The following VWF variants were observed in gnomAD, a reference collection of about 807,000 sequenced individuals.
VWF encodes the protein Factor VIII related antigen.
Under a neutral mutation model 308.6 loss-of-function variants are expected in VWF, and 176 were observed. The ratio of observed to expected loss-of-function variants is 0.57; its 90% confidence interval spans 0.50 to 0.65. The LOEUF is 0.65. VWF is among the 30% of genes least tolerant of loss of function. VWF has a pLI of 0.00. For synonymous variants in VWF, 1,385 were observed against 1,443.4 expected, an observed-to-expected ratio of 0.96 and a Z score of 0.92; for missense variants, 3,146 against 3,648.2, an observed-to-expected ratio of 0.86 and a Z score of 3.55.
At position 6,064,236 on chromosome 12, in the gene VWF, C is replaced by A. The variant is rs767645999; in HGVS notation, c.1432+10G>T. On this transcript the variant is annotated intron_variant, in intron 12 of 51. Coordinates refer to ENST00000261405, the MANE Select transcript of VWF (RefSeq NM_000552.5). The stretch of plus-strand genomic sequence containing the variant: ...CAGCCCCAGGCCTGATGGAGCAGGA[C>A]GAAGCATACCTTTCAGGAGGGGGAG... The A allele has an allele frequency of 6.2e-7, 1 of 1,613,976 alleles. No individual in the cohort carries two copies. Among genetic ancestry groups the A allele is most frequent in the Non-Finnish European group, 8.5e-7 (1 of 1,180,036 alleles).
intron 5 of VWF, among the ~76,000 whole-genome samples, chr12:6,108,334 TACAC>T (rs34140032): frequency 1.9e-3 from 239 of 124,194 alleles, no homozygotes; most frequent in Middle Eastern, 4.4e-3. Flanking sequence ...AAGAAATATA[TACAC>T]ACACACACAC....
Position 5,964,238 on chromosome 12 carries a change from A to ACATACATACATACATACATG in VWF, c.7887+3247_7887+3248insCATGTATGTATGTATGTATG, listed in dbSNP as rs1555189786. On this transcript the variant is annotated intron_variant, in intron 47 of 51. Coordinates refer to ENST00000261405, the MANE Select transcript of VWF (RefSeq NM_000552.5). Reference sequence around the variant, plus strand: ...TCTAAAAATACATACATACATACATACATACATACATGCATACATACATAC... The same window carrying ACATACATACATACATACATG: ...TCTAAAAATACATACATACATACATACATACATACATACATACATGCATACATACATGCATACATACATAC... 2.2e-3 allele frequency among the ~76,000 whole-genome samples: 306 copies of ACATACATACATACATACATG among 138,716 alleles called. 2 individuals carry two copies. The highest frequency in any genetic ancestry group is 9.3e-3 in the African/African-American group (288 of 30,996). The allele number at this position is 138,716 out of a possible 152,430, so 91.0% of individuals were successfully genotyped here.
intron 31 of VWF, among the ~76,000 whole-genome samples, 187 bp downstream of exon 31, chr12:6,015,902 A>G (rs1191161734): frequency 6.6e-6 from 1 of 152,196 alleles, no homozygotes; most frequent in Non-Finnish European, 1.5e-5. Flanking sequence ...CACACTTTTT[A>G]TTGTTTGGTT....
Position 6,088,157 on chromosome 12 carries a change from G to A in VWF, c.657+7303C>T, listed in dbSNP as rs187480828. 3.2e-3 allele frequency among the ~76,000 whole-genome samples: 488 copies of A among 152,258 alleles called. 5 individuals carry two copies. The highest frequency in any genetic ancestry group is 0.01 in the African/African-American group (436 of 41,542). ...ATTATGTTTATCTTGGCCGTTTCCC[G>A]GCAGGTGGTGGTGAAGTTTCTTGAG... is the stretch of plus-strand genomic sequence containing the variant. On this transcript the variant is annotated intron_variant, in intron 6 of 51. Coordinates refer to ENST00000261405, the MANE Select transcript of VWF (RefSeq NM_000552.5).
intron 5 of VWF, among the ~76,000 whole-genome samples, chr12:6,103,694 A>G (rs955178829): frequency 2.0e-5 from 3 of 151,988 alleles, no homozygotes; most frequent in South Asian, 4.1e-4. Context: ...TGTTGCTGGG[A>G]AAACTGGATT....
At position 6,023,495 on chromosome 12, in the gene VWF, C is replaced by T. The variant is rs76458368; in HGVS notation, c.3379+136G>A. ...GCCAATGTCTTAACCCTCCTTAGCC[C>T]TTGGCCATCCAGTCCCTACTAACAC... On this transcript the variant is annotated intron_variant, in intron 25 of 51. Coordinates refer to ENST00000261405, the MANE Select transcript of VWF (RefSeq NM_000552.5). 31 of 1,307,996 alleles carry T rather than the reference C, an allele frequency of 2.4e-5. 1 individual carries two copies. The Admixed American group carries it at 6.0e-4, about 25-fold the overall frequency. 81.0% of individuals were successfully genotyped at this position (1,307,996 alleles called of 1,614,324 possible).
rs1944094108 is a variant in VWF at position 6,018,852 on chromosome 12, C to T, written c.4566G>A (p.Glu1522=). 1.9e-6 allele frequency: 3 copies of T among 1,613,844 alleles called. No homozygotes were observed. The highest frequency in any genetic ancestry group is 4.5e-5 in the East Asian group (2 of 44,888). ...CCACATCCATCCGCTGAATCACCTCCTCCATGAACTCCTTGCTCCTGTTGA... is the reference window on the plus strand; with the variant it reads ...CCACATCCATCCGCTGAATCACCTCTTCCATGAACTCCTTGCTCCTGTTGA... ...ADFNRSKEFM[E]EVIQRMDVGQ... is the part of the protein sequence containing the mutation. The change falls in exon 28 of 52, where the codon GAG becomes GAA. Residue 1522 remains glutamate (E), a synonymous_variant. Transcript: ENST00000261405.
At chr12:5,976,608 T>C (rs757075648) in intron 42 of VWF, among the ~76,000 whole-genome samples, 1 of 152,024 alleles carries the variant, frequency 6.6e-6, no homozygotes, top group Non-Finnish European at 1.5e-5. Context: ...TGTACCCACA[T>C]GCCCAGACCC....
chr12:5,949,664 G>A, intron 51 of VWF, 122 bp downstream of exon 51: 1 of 1,089,084 alleles, frequency 9.2e-7, no homozygotes, highest in Non-Finnish European at 1.4e-6. Flanking sequence ...AATGCTTCCA[G>A]TTTATTTCCC....
intron 44 of VWF, among the ~76,000 whole-genome samples, chr12:5,970,626 G>C (rs992652831): frequency 6.6e-6 from 1 of 152,226 alleles, no homozygotes; most frequent in Non-Finnish European, 1.5e-5. Flanking sequence ...TCGGACTAGA[G>C]GGGGAGGTGG....
intron 47 of VWF, among the ~76,000 whole-genome samples, chr12:5,960,661 C>T (rs1008813590): frequency 9.2e-5 from 14 of 152,162 alleles, no homozygotes; most frequent in Admixed American, 6.5e-4. Context: ...ATTCATCAAA[C>T]GAATGAAAGG....
chr12:6,038,552 T>C (rs561988614), intron 18 of VWF, among the ~76,000 whole-genome samples: 1 of 152,290 alleles, frequency 6.6e-6, no homozygotes, highest in Admixed American at 6.5e-5. Context: ...CAGGTGTGGG[T>C]CTATGGAAGC....
intron 6 of VWF, among the ~76,000 whole-genome samples, chr12:6,091,550 G>C (rs1945035105): frequency 6.6e-6 from 1 of 152,074 alleles, no homozygotes; most frequent in South Asian, 2.1e-4. Flanking sequence ...TTTTGGTTTT[G>C]GTTTTGTTTT....
rs1021756719 is a variant in VWF, at chr12:5,991,947, C to T, written c.6670G>A (p.Val2224Met). The T allele has an allele frequency of 1.2e-5, 19 of 1,614,080 alleles. No individual in the cohort carries two copies. Among genetic ancestry groups the T allele is most frequent in the East Asian group, 2.2e-5 (1 of 44,894 alleles). The change falls in exon 38 of 52, where the codon GTG (valine) becomes ATG (methionine). Residue 2224 changes from valine to methionine, a missense_variant. Transcript: ENST00000261405. The stretch of plus-strand genomic sequence containing the variant: ...GAGGGATGGTCCCCACAGGAGCTCA[C>T]GTTGCCATCACAGTGCCGGGGACAG... Reference protein sequence around the residue: ...HGCPRHCDGNVSSCGDHPSEG... With the variant: ...HGCPRHCDGNMSSCGDHPSEG...
intron 37 of VWF, among the ~76,000 whole-genome samples, chr12:5,992,806 T>C (rs1943760756): frequency 1.3e-5 from 2 of 152,188 alleles, no homozygotes; most frequent in South Asian, 4.1e-4. Context: ...GCACCAAAGA[T>C]TTCCCTCTGT....
At chr12:5,958,429 C>T (rs1017598025) in intron 47 of VWF, among the ~76,000 whole-genome samples, 1 of 152,106 alleles carries the variant, frequency 6.6e-6, no homozygotes, top group South Asian at 2.1e-4. Context: ...GCTTCATGCC[C>T]GTAATATCAG....
rs1282171416 is a variant in VWF, at chr12:6,063,496, G to A, written c.1433-442C>T. 6.6e-6 allele frequency among the ~76,000 whole-genome samples: 1 copy of A among 152,164 alleles called. No individual in the cohort carries two copies. Among genetic ancestry groups the A allele is most frequent in the Non-Finnish European group, 1.5e-5 (1 of 68,028 alleles). Reference sequence around the variant, plus strand: ...GAATACAGCAATTGTTGCTTCTGTGGGAAGGTGGCGACAGATAGGAGCACA... The same window carrying A: ...GAATACAGCAATTGTTGCTTCTGTGAGAAGGTGGCGACAGATAGGAGCACA... On this transcript the variant is annotated intron_variant, in intron 12 of 51. Transcript: ENST00000261405. This position sits in a 1 kb window ranked among gnomAD's most constrained non-coding sequence, Gnocchi z 4.9.
chr12:6,099,030 A>C (rs984511045), intron 5 of VWF, among the ~76,000 whole-genome samples: 1 of 151,886 alleles, frequency 6.6e-6, no homozygotes, highest in African/African-American at 2.4e-5. Context: ...CTACTCTAAG[A>C]AACAATGGGC....
intron 47 of VWF, among the ~76,000 whole-genome samples, chr12:5,960,223 G>T (rs995629275): frequency 6.6e-6 from 1 of 151,602 alleles, no homozygotes; most frequent in African/African-American, 2.4e-5. Flanking sequence ...GTATAATAAG[G>T]AAATGTTATA....
Sources: gnomAD v4.1 joint callset for allele counts (sites outside exome capture counted in the v4.1 genomes callset) on GRCh38, gnomAD v4.1.1 for gene constraint, Gnocchi (gnomAD v3.1) non-coding constraint, MANE v1.5 for transcripts, NCBI Gene and HGNC (gene_info 2026-07-23, HGNC 2026-07-21) for gene names.